Variants in FKBP5 observed in about 807,000 individuals in gnomAD.
FKBP5 encodes the protein FKBP prolyl isomerase 5.
Under a neutral mutation model 50.5 loss-of-function variants are expected in FKBP5, and 23 were observed. That is an observed-to-expected ratio of 0.46 (90% confidence interval 0.33 to 0.65). The LOEUF (loss-of-function observed/expected upper bound fraction) is 0.65, where lower values mean the gene tolerates loss of function less well. Ranked by LOEUF, FKBP5 falls within the 30% of genes least tolerant of loss-of-function variation. The pLI is 0.02. For synonymous variants in FKBP5, 176 were observed against 190.6 expected (o/e 0.92, Z 0.63); for missense variants, 411 against 553.1 (o/e 0.74, Z 2.58).
intron 2 of FKBP5, among the ~76,000 whole-genome samples, chr6:35,699,891 A>G (rs996032412): frequency 6.6e-6 from 1 of 152,110 alleles, no homozygotes; most frequent in Non-Finnish European, 1.5e-5. Flanking sequence ...TACTAAAAAT[A>G]CAAAAATTAG....
chr6:35,651,204 G>A (rs771181627), intron 1 of FKBP5, among the ~76,000 whole-genome samples: 15 of 152,086 alleles, frequency 9.9e-5, no homozygotes, highest in Non-Finnish European at 1.5e-4. Context: ...TGTTACCTCT[G>A]GAGAATGAGA....
intron 7 of FKBP5, among the ~76,000 whole-genome samples, chr6:35,587,891 T>G (rs1581788982): frequency 6.6e-6 from 1 of 152,116 alleles, no homozygotes; most frequent in East Asian, 1.9e-4. Context: ...TGACAGTGGG[T>G]GTGGTCAGTG....
intron 6 of FKBP5, among the ~76,000 whole-genome samples, chr6:35,592,775 T>A (rs1029779369): frequency 6.6e-6 from 1 of 152,178 alleles, no homozygotes; most frequent in South Asian, 2.1e-4. Flanking sequence ...CTAGAAATAT[T>A]ATGGGTTGTC....
intron 5 of FKBP5, among the ~76,000 whole-genome samples, chr6:35,609,506 C>G (rs1763428033): frequency 6.6e-6 from 1 of 152,182 alleles, no homozygotes. Flanking sequence ...CAGGATATAT[C>G]TGGGTGAAAA....
At chr6:35,670,816 A>G (rs1363641129) in intron 1 of FKBP5, among the ~76,000 whole-genome samples, 1 of 152,158 alleles carries the variant, frequency 6.6e-6, no homozygotes, top group Non-Finnish European at 1.5e-5. Flanking sequence ...GACAACAGGT[A>G]TAAAAATATT....
At chr6:35,701,692 A>G (rs1003547043) in intron 2 of FKBP5, among the ~76,000 whole-genome samples, 2 of 151,940 alleles carry the variant, frequency 1.3e-5, no homozygotes, top group Non-Finnish European at 2.9e-5. Flanking sequence ...GATGTGCACC[A>G]TGATGCCCTA....
chr6:35,667,752 G>A (rs1238067403), intron 1 of FKBP5, among the ~76,000 whole-genome samples: 1 of 152,124 alleles, frequency 6.6e-6, no homozygotes, highest in Non-Finnish European at 1.5e-5. Context: ...GTGGTGGCGG[G>A]TGCCTGTAAT....
chr6:35,659,351 G>A lies in FKBP5; in HGVS notation c.-19-16508C>T, dbSNP rs1211148978. ...CAACCTCTGCCTCCTGGGTTCAAGC[G>A]ATTCTCCTGTCTCAGCCTCTGGAGT... is the stretch of plus-strand genomic sequence containing the variant. On this transcript the variant is annotated intron_variant, in intron 1 of 10. Transcript: ENST00000357266. Among the ~76,000 whole-genome samples, 3 of 81,150 alleles carry A rather than the reference G, an allele frequency of 3.7e-5. 1 individual carries two copies. The highest frequency in any genetic ancestry group is 1.2e-4 in the African/African-American group (3 of 26,018). The allele number at this position is 81,150 out of a possible 152,430, so 53.2% of individuals were successfully genotyped here.
At chr6:35,678,663 G>A (rs1233634592) in intron 1 of FKBP5, among the ~76,000 whole-genome samples, 1 of 152,088 alleles carries the variant, frequency 6.6e-6, no homozygotes, top group East Asian at 1.9e-4. Context: ...GTCAATCTCT[G>A]AGCTAAAACA....
intron 3 of FKBP5, among the ~76,000 whole-genome samples, chr6:35,628,728 T>C (rs776878787): frequency 1.3e-5 from 2 of 152,248 alleles, no homozygotes; most frequent in Non-Finnish European, 2.9e-5. Flanking sequence ...TTTTTGTTTT[T>C]GTTTTTTTGA....
chr6:35,593,098 C>T (rs962577310), intron 6 of FKBP5, among the ~76,000 whole-genome samples: 2 of 152,196 alleles, frequency 1.3e-5, no homozygotes, highest in African/African-American at 2.4e-5. Flanking sequence ...AAGCCCACGC[C>T]AAGATATTCT....
intron 6 of FKBP5, among the ~76,000 whole-genome samples, chr6:35,591,698 T>C (rs913288696): frequency 6.6e-6 from 1 of 152,196 alleles, no homozygotes; most frequent in African/African-American, 2.4e-5. Context: ...TGCTGTCACT[T>C]CTAGTAGTAC....
chr6:35,621,167 C>G (rs927900014), intron 3 of FKBP5, among the ~76,000 whole-genome samples: 1 of 152,120 alleles, frequency 6.6e-6, no homozygotes, highest in Non-Finnish European at 1.5e-5. Context: ...TTGCCTACTT[C>G]CAGGAAACTA....
At chr6:35,700,466 G>A (rs1041446274) in intron 2 of FKBP5, among the ~76,000 whole-genome samples, 1 of 152,196 alleles carries the variant, frequency 6.6e-6, no homozygotes, top group Non-Finnish European at 1.5e-5. Context: ...CGTAGCCATG[G>A]CTCAGTCTAT....
intron 1 of FKBP5, among the ~76,000 whole-genome samples, chr6:35,668,943 T>TA (rs1400979033): frequency 6.6e-6 from 1 of 152,158 alleles, no homozygotes; most frequent in Non-Finnish European, 1.5e-5. Flanking sequence ...AATTTTTTTT[T>TA]ATAACTTCAA....
chr6:35,693,319 C>T (rs535405133), upstream of FKBP5, among the ~76,000 whole-genome samples: 11 of 151,424 alleles, frequency 7.3e-5, no homozygotes, highest in Non-Finnish European at 1.2e-4. Flanking sequence ...CCCGCCACCA[C>T]GCCCAGCTAA....
upstream of FKBP5, among the ~76,000 whole-genome samples, chr6:35,689,926 T>C (rs1765951954): frequency 6.6e-6 from 1 of 152,184 alleles, no homozygotes; most frequent in Non-Finnish European, 1.5e-5. Flanking sequence ...GTTACTCCCA[T>C]AGAGATGCAG....
At chr6:35,657,301 C>A (rs892547095) in intron 1 of FKBP5, among the ~76,000 whole-genome samples, 1 of 152,192 alleles carries the variant, frequency 6.6e-6, no homozygotes, top group Non-Finnish European at 1.5e-5. Context: ...CTGGAGATCA[C>A]AAGTCCAGAA....
chr6:35,664,129 A>C (rs1326772536), intron 1 of FKBP5, among the ~76,000 whole-genome samples: 2 of 152,246 alleles, frequency 1.3e-5, no homozygotes, highest in Non-Finnish European at 2.9e-5. Context: ...GCTGACAAGC[A>C]CTAAGCCAGC....
Sources: gnomAD v4.1 joint callset for allele counts (sites outside exome capture counted in the v4.1 genomes callset) on GRCh38, gnomAD v4.1.1 for gene constraint, MANE v1.5 for transcripts, NCBI Gene and HGNC (gene_info 2026-07-23, HGNC 2026-07-21) for gene names.